Variants in TTC29 observed in about 807,000 individuals in gnomAD.
TTC29 encodes tetratricopeptide repeat domain 29, also known as tetratricopeptide repeat protein 29.
TTC29 carries 49 observed loss-of-function variants against 58.1 expected under a neutral mutation model. The ratio of observed to expected loss-of-function variants is 0.84; its 90% CI spans 0.67 to 1.07. The LOEUF is 1.07. Among genes scored for constraint, TTC29 ranks in the 50% least tolerant of loss-of-function variants. The pLI, the probability that TTC29 is intolerant of heterozygous loss-of-function variation, is 0.00. For missense variants in TTC29, 582 were observed against 555.6 expected (o/e 1.05, Z -0.48); for synonymous variants, 209 against 196.8 (o/e 1.06, Z -0.52).
At chr4:146,840,074 G>A (rs1026383471) in intron 8 of TTC29, among the ~76,000 whole-genome samples, 1 of 151,846 alleles carries the variant, frequency 6.6e-6, no homozygotes, top group Non-Finnish European at 1.5e-5. Context: ...AAAATTTGGG[G>A]ACAAACGTTA....
chr4:146,752,780 T>A (rs1746117988), intron 11 of TTC29, among the ~76,000 whole-genome samples: 1 of 152,162 alleles, frequency 6.6e-6, no homozygotes, highest in Non-Finnish European at 1.5e-5. Flanking sequence ...TTGACAAACC[T>A]GACCAAAACA....
At chr4:146,727,305 C>T (rs1031884821) in intron 11 of TTC29, among the ~76,000 whole-genome samples, 4 of 152,218 alleles carry the variant, frequency 2.6e-5, no homozygotes, top group African/African-American at 4.8e-5. Context: ...ACATCTGGCA[C>T]GAGAGTGGTG....
chr4:146,905,893 T>G (rs1733491335), intron 5 of TTC29, among the ~76,000 whole-genome samples: 1 of 152,214 alleles, frequency 6.6e-6, no homozygotes. Context: ...GCCAGAAAAT[T>G]GTTTTGTTTT....
At chr4:146,779,022 A>AAAGAAAAAGAT (rs1748364657) in intron 11 of TTC29, among the ~76,000 whole-genome samples, 1 of 151,158 alleles carries the variant, frequency 6.6e-6, no homozygotes, top group African/African-American at 2.4e-5. Flanking sequence ...AAGAAAAAGA[A>AAAGAAAAAGAT]ATGCTGTTGT....
chr4:146,903,502 C>T lies in TTC29; in HGVS notation c.586+42G>A, dbSNP rs776668994. ...TTTTCCATTGTGTGATCTCAGGATC[C>T]ACCAAAACATACCCAAGGCATCCTG... On this transcript the variant is annotated intron_variant, in intron 6 of 12. Transcript: ENST00000325106. The T allele has an allele frequency of 1.9e-6, 3 of 1,543,596 alleles. No homozygotes were observed. In the East Asian group the frequency reaches 7.0e-5, roughly 36 times the overall value.
intron 11 of TTC29, among the ~76,000 whole-genome samples, chr4:146,776,730 C>A (rs1370365769): frequency 1.3e-5 from 2 of 152,198 alleles, no homozygotes; most frequent in African/African-American, 2.4e-5. Context: ...GGGATCTGTG[C>A]CTGCTCAAGT....
chr4:146,771,616 T>G (rs1183847012), intron 11 of TTC29, among the ~76,000 whole-genome samples: 1 of 152,162 alleles, frequency 6.6e-6, no homozygotes, highest in Non-Finnish European at 1.5e-5. Flanking sequence ...TTGTGTAGTA[T>G]TTCATGGTGT....
intron 3 of TTC29, 139 bp from the exon 4 acceptor site, chr4:146,937,816 G>A (rs1313212716): frequency 4.2e-6 from 2 of 473,110 alleles, no homozygotes; most frequent in South Asian, 4.4e-5. Context: ...ATAGAGTTAG[G>A]TCGTTGGTTG....
chr4:146,764,782 G>C (rs533759360), intron 11 of TTC29, among the ~76,000 whole-genome samples: 41 of 152,230 alleles, frequency 2.7e-4, no homozygotes, highest in South Asian at 1.2e-3. Context: ...ACGTGGTGCT[G>C]AGGAACAGAA....
intron 11 of TTC29, among the ~76,000 whole-genome samples, chr4:146,737,594 G>GA (rs201288135): frequency 1.3e-5 from 2 of 148,652 alleles, no homozygotes; most frequent in African/African-American, 4.9e-5. Flanking sequence ...TAGCCCTGGG[G>GA]GGGGGGGGGC....
At chr4:146,714,471 A>G (rs1742771084) in intron 11 of TTC29, among the ~76,000 whole-genome samples, 1 of 152,098 alleles carries the variant, frequency 6.6e-6, no homozygotes, top group Non-Finnish European at 1.5e-5. Context: ...AAGGAGATTG[A>G]GAAAGAATTG....
intron 11 of TTC29, among the ~76,000 whole-genome samples, chr4:146,748,166 G>A (rs1189836401): frequency 6.6e-6 from 1 of 152,188 alleles, no homozygotes; most frequent in Non-Finnish European, 1.5e-5. Context: ...GCCTTGCTCT[G>A]TGGGGCCTGT....
At chr4:146,709,161 C>A (rs1224803747) in intron 11 of TTC29, among the ~76,000 whole-genome samples, 1 of 152,122 alleles carries the variant, frequency 6.6e-6, no homozygotes, top group African/African-American at 2.4e-5. Context: ...CACCTTAAGT[C>A]TCAATTCCTT....
intron 6 of TTC29, among the ~76,000 whole-genome samples, chr4:146,884,295 G>A (rs1265114940): frequency 6.6e-6 from 1 of 152,040 alleles, no homozygotes; most frequent in African/African-American, 2.4e-5. Flanking sequence ...CTTCGAAAAT[G>A]TTTACTAGGG....
chr4:146,874,671 C>G lies in TTC29; in HGVS notation c.799+45G>C, dbSNP rs781483726. 7 of 1,427,962 alleles carry G rather than the reference C, an allele frequency of 4.9e-6. 1 individual carries two copies. In the South Asian group the frequency reaches 8.5e-5, roughly 17 times the overall value. 88.5% of individuals were successfully genotyped at this position (1,427,962 alleles called of 1,614,324 possible). ...ACTTCACTCTTGGGAGAAACAGTGTCTACCCATTAAAGAAAGCAATGTGAG... is the reference window on the plus strand; with the variant it reads ...ACTTCACTCTTGGGAGAAACAGTGTGTACCCATTAAAGAAAGCAATGTGAG... On this transcript the variant is annotated intron_variant, in intron 7 of 12. Coordinates refer to ENST00000325106, the MANE Select transcript of TTC29 (RefSeq NM_031956.4).
At chr4:146,816,460 A>G (rs1751415800) in intron 10 of TTC29, among the ~76,000 whole-genome samples, 1 of 152,134 alleles carries the variant, frequency 6.6e-6, no homozygotes, top group South Asian at 2.1e-4. Context: ...CACGACATGC[A>G]AAACCTGAGC....
At chr4:146,820,061 A>C in intron 10 of TTC29, 64 bp downstream of exon 10, 1 of 1,592,606 alleles carries the variant, frequency 6.3e-7, no homozygotes, top group Non-Finnish European at 8.5e-7. Context: ...AGATACTTTT[A>C]AAATGGGAAA....
chr4:146,876,761 T>C (rs13110073), intron 6 of TTC29, among the ~76,000 whole-genome samples: 73,452 of 151,412 alleles, frequency 0.49, 18,654 homozygotes, highest in African/African-American at 0.62. Context: ...ATGGTGAAGC[T>C]CCGTCTCTAC....
At chr4:146,882,438 G>T (rs1331261931) in intron 6 of TTC29, among the ~76,000 whole-genome samples, 1 of 151,998 alleles carries the variant, frequency 6.6e-6, no homozygotes, top group East Asian at 1.9e-4. Flanking sequence ...TTGTATAGTT[G>T]GTAGTCGACT....
Sources: allele counts gnomAD v4.1 joint callset (sites outside exome capture counted in the v4.1 genomes callset), GRCh38; gene constraint gnomAD v4.1.1; transcripts MANE v1.5; gene names NCBI Gene and HGNC (gene_info 2026-07-23, HGNC 2026-07-21).